The following GABRA3 variants were observed in gnomAD, a reference collection of about 807,000 sequenced individuals.
GABRA3 encodes the protein gamma-aminobutyric acid type A receptor subunit alpha3, also known as gamma-aminobutyric acid receptor subunit alpha-3.
In GABRA3, 10 loss-of-function variants were observed where a neutral mutation model predicts 30.1. The ratio of observed to expected loss-of-function variants is 0.33; its 90% CI spans 0.20 to 0.56. GABRA3 has a LOEUF of 0.56. Ranked by LOEUF, GABRA3 falls within the 20% of genes least tolerant of loss-of-function variation. The probability of loss-of-function intolerance (pLI) is 0.89; values close to 1 mark genes in which losing one functional copy is unlikely to be tolerated. For synonymous variants in GABRA3, 151 were observed against 146.8 expected (o/e 1.03, Z -0.21); for missense variants, 233 against 392.0 (o/e 0.59, Z 3.42).
At position 152,373,625 on chromosome X, in the gene GABRA3, CT is replaced by C. The variant is rs913830422; in HGVS notation, c.-26-9030del. Reference sequence around the variant, plus strand: ...CAAAGTGTAGTTTTGATTTGCATTTCTTTTTTTTTATTATTATTATGCTTTA... The same window carrying C: ...CAAAGTGTAGTTTTGATTTGCATTTCTTTTTTTTATTATTATTATGCTTTA... On this transcript the variant is annotated intron_variant, in intron 1 of 9. Coordinates refer to ENST00000370314, the MANE Select transcript of GABRA3 (RefSeq NM_000808.4). 5.5e-3 allele frequency among the ~76,000 whole-genome samples: 602 copies of C among 110,406 alleles called. 5 individuals are homozygous for C. Among genetic ancestry groups the C allele is most frequent in the African/African-American group, 0.016 (487 of 30,442 alleles).
chrX:152,282,696 G>A (rs1046516660), intron 4 of GABRA3, among the ~76,000 whole-genome samples: 5 of 111,744 alleles, frequency 4.5e-5, no homozygotes, highest in Admixed American at 9.5e-5. Flanking sequence ...ACCCATACAC[G>A]CCTGCTATGG....
Position 152,181,391 on chromosome X carries a change from AACTTT to A in GABRA3, c.1143+8334_1143+8338del, listed in dbSNP as rs1937144327. 5.4e-5 allele frequency among the ~76,000 whole-genome samples: 6 copies of A among 111,738 alleles called. No homozygotes were observed. The South Asian group carries it at 2.2e-3, about 42-fold the overall frequency. ...TTTGCATGTTGACTTTGTCTCCTGC[AACTTT>A]ACTAAATTTATTTGCTAGTTCTAAC... On this transcript the variant is annotated intron_variant, in intron 9 of 9. Transcript: ENST00000370314.
chrX:152,294,978 C>A (rs1049501609), intron 3 of GABRA3, among the ~76,000 whole-genome samples: 2 of 110,658 alleles, frequency 1.8e-5, no homozygotes, highest in Non-Finnish European at 3.8e-5. Context: ...CACTCCAGAC[C>A]CTGTTTGCCT....
At chrX:152,441,414 T>G (rs1930928579) in intron 1 of GABRA3, among the ~76,000 whole-genome samples, 1 of 111,918 alleles carries the variant, frequency 8.9e-6, no homozygotes, top group African/African-American at 3.2e-5. Flanking sequence ...TCAATTCTTC[T>G]TCAAATCATT....
intron 2 of GABRA3, among the ~76,000 whole-genome samples, chrX:152,346,123 G>C (rs1940388849): frequency 8.9e-6 from 1 of 111,732 alleles, no homozygotes; most frequent in Non-Finnish European, 1.9e-5. Flanking sequence ...AGAAATTTAA[G>C]TTCACAGAAA....
chrX:152,379,201 A>C (rs1309377987), intron 1 of GABRA3, among the ~76,000 whole-genome samples: 1 of 111,761 alleles, frequency 8.9e-6, no homozygotes, highest in East Asian at 2.8e-4. Context: ...TATTTACAAA[A>C]ATGTACAAGG....
At chrX:152,196,508 T>G (rs1450074155) in intron 8 of GABRA3, among the ~76,000 whole-genome samples, 1 of 110,910 alleles carries the variant, frequency 9.0e-6, no homozygotes, top group Non-Finnish European at 1.9e-5. Flanking sequence ...TTCTAGGATT[T>G]TATAAAGGAA....
Position 152,400,414 on chromosome X carries a change from C to T in GABRA3, c.-26-35818G>A, listed in dbSNP as rs542395988. On this transcript the variant is annotated intron_variant, in intron 1 of 9. Coordinates refer to ENST00000370314, the MANE Select transcript of GABRA3 (RefSeq NM_000808.4). Reference sequence around the variant, plus strand: ...GTCCCAGCTACTTGGAAGGCTGAGGCGGGAGGATCACTTGATCCCAGGAGT... The same window carrying T: ...GTCCCAGCTACTTGGAAGGCTGAGGTGGGAGGATCACTTGATCCCAGGAGT... Among the ~76,000 whole-genome samples, 31 of 111,014 alleles carry T rather than the reference C, an allele frequency of 2.8e-4. No homozygotes were observed. In the South Asian group the frequency reaches 0.011, roughly 39 times the overall value.
chrX:152,422,363 T>C (rs1663850583), intron 1 of GABRA3, among the ~76,000 whole-genome samples: 1 of 111,047 alleles, frequency 9.0e-6, no homozygotes. Flanking sequence ...GTGAAACTAC[T>C]ATAAGAAATC....
intron 5 of GABRA3, among the ~76,000 whole-genome samples, chrX:152,227,803 A>C (rs1475235909): frequency 9.1e-6 from 1 of 110,150 alleles, no homozygotes; most frequent in Admixed American, 9.7e-5. Context: ...TGTTAAAGTG[A>C]GTTTCTCAAG....
intron 1 of GABRA3, among the ~76,000 whole-genome samples, chrX:152,388,492 G>A (rs1479760307): frequency 8.9e-6 from 1 of 111,794 alleles, no homozygotes; most frequent in Non-Finnish European, 1.9e-5. Flanking sequence ...TAAATGAGCC[G>A]ATATTCACAA....
At position 152,288,212 on chromosome X, in the gene GABRA3, G is replaced by A. The variant is rs540066790; in HGVS notation, c.263-3477C>T. Reference sequence around the variant, plus strand: ...TTGACATGACTCCAGTGTTCTACACGGGGACCACTATGCCTTGATGTCTAG... The same window carrying A: ...TTGACATGACTCCAGTGTTCTACACAGGGACCACTATGCCTTGATGTCTAG... On this transcript the variant is annotated intron_variant, in intron 3 of 9. Coordinates refer to ENST00000370314, the MANE Select transcript of GABRA3 (RefSeq NM_000808.4). Among the ~76,000 whole-genome samples the A allele has an allele frequency of 2.1e-4, 23 of 111,783 alleles. No individual in the cohort carries two copies. The South Asian group carries it at 7.5e-3, about 36-fold the overall frequency.
At chrX:152,369,383 A>T (rs759647955) in intron 1 of GABRA3, among the ~76,000 whole-genome samples, 5 of 109,259 alleles carry the variant, frequency 4.6e-5, no homozygotes, top group Non-Finnish European at 7.6e-5. Flanking sequence ...AAATAAATAT[A>T]TGATCTACAA....
intron 8 of GABRA3, among the ~76,000 whole-genome samples, chrX:152,195,380 G>A (rs1342298148): frequency 8.9e-6 from 1 of 111,961 alleles, no homozygotes; most frequent in African/African-American, 3.2e-5. Flanking sequence ...GAATTCATGG[G>A]AAGTGTCCTT....
At chrX:152,168,620 C>A (rs145701879) in intron 9 of GABRA3, 57 bp from the exon 10 acceptor site, 52,958 of 936,650 alleles carry the variant, frequency 0.057, 1,225 homozygotes, top group Middle Eastern at 0.088. Context: ...CTAATTAATT[C>A]ATTACACAGA....
At chrX:152,233,189 T>C (rs994902814) in intron 5 of GABRA3, among the ~76,000 whole-genome samples, 1 of 109,248 alleles carries the variant, frequency 9.2e-6, no homozygotes, top group African/African-American at 3.4e-5. Flanking sequence ...TTTGAGTTCA[T>C]TGTAGATTCT....
intron 6 of GABRA3, among the ~76,000 whole-genome samples, chrX:152,224,344 T>C (rs1303722772): frequency 8.9e-6 from 1 of 112,145 alleles, no homozygotes. Context: ...CTGTTAAGAA[T>C]TGGATAGAAG....
chrX:152,232,220 G>T (rs1390160969), intron 5 of GABRA3, among the ~76,000 whole-genome samples: 1 of 110,964 alleles, frequency 9.0e-6, no homozygotes, highest in African/African-American at 3.3e-5. Context: ...TAAGAGCATG[G>T]ATTCTTTTTT....
At chrX:152,444,461 C>T (rs1931012226) in intron 1 of GABRA3, among the ~76,000 whole-genome samples, 1 of 111,548 alleles carries the variant, frequency 9.0e-6, no homozygotes, top group Admixed American at 9.5e-5. Flanking sequence ...ATTCAGAAGA[C>T]AGATTGCAGG....
Sources: allele counts gnomAD v4.1 joint callset (sites outside exome capture counted in the v4.1 genomes callset), GRCh38; gene constraint gnomAD v4.1.1; transcripts MANE v1.5; gene names NCBI Gene and HGNC (gene_info 2026-07-23, HGNC 2026-07-21).